Variants in WDFY4 observed in about 807,000 individuals in gnomAD.
WDFY4 encodes WD repeat- and FYVE domain-containing protein 4.
In WDFY4, 169 loss-of-function variants were observed where a neutral mutation model predicts 351.9. The observed-to-expected ratio is 0.48, with a 90% confidence interval of 0.42 to 0.55. The LOEUF is 0.55. WDFY4 is among the 20% of genes least tolerant of loss of function. The probability of loss-of-function intolerance (pLI) is 0.00; values close to 1 mark genes in which losing one functional copy is unlikely to be tolerated. For missense variants in WDFY4, 3,803 were observed against 3,935.6 expected (o/e 0.97, Z 0.90); for synonymous variants, 1,622 against 1,574.6 (o/e 1.03, Z -0.71).
At chr10:48,801,184 G>C (rs1328887096) in intron 24 of WDFY4, among the ~76,000 whole-genome samples, 1 of 152,186 alleles carries the variant, frequency 6.6e-6, no homozygotes, top group Admixed American at 6.5e-5. Context: ...ACAGGCTTAT[G>C]TGACACAGAA....
At chr10:48,699,965 ACC>A (rs2063433912) in intron 1 of WDFY4, among the ~76,000 whole-genome samples, 1 of 152,062 alleles carries the variant, frequency 6.6e-6, no homozygotes, top group South Asian at 2.1e-4. Flanking sequence ...AATTCCTGAG[ACC>A]CACCCCAGAC....
chr10:48,700,647 G>A lies in WDFY4; in HGVS notation c.-17-9069G>A, dbSNP rs903143108. 5.3e-5 allele frequency among the ~76,000 whole-genome samples: 8 copies of A among 152,358 alleles called. No homozygotes were observed. The East Asian group carries it at 1.4e-3, about 26-fold the overall frequency. ...GCACGCCCAGGGATGCTGCGCAAACGCACCATGCCTCCATCTCATCTCCAC... is the reference window on the plus strand; with the variant it reads ...GCACGCCCAGGGATGCTGCGCAAACACACCATGCCTCCATCTCATCTCCAC... On this transcript the variant is annotated intron_variant, in intron 1 of 61. Coordinates refer to ENST00000325239, the MANE Select transcript of WDFY4 (RefSeq NM_001394531.1).
At chr10:48,815,946 A>G (rs1458246293) in intron 31 of WDFY4, among the ~76,000 whole-genome samples, 5 of 152,174 alleles carry the variant, frequency 3.3e-5, no homozygotes, top group African/African-American at 9.7e-5. Flanking sequence ...CTAATATTAT[A>G]TAAAAAAGAC....
intron 44 of WDFY4, among the ~76,000 whole-genome samples, chr10:48,895,154 G>A (rs1465152435): frequency 6.6e-6 from 1 of 152,196 alleles, no homozygotes; most frequent in African/African-American, 2.4e-5. Context: ...GTCTCACTTG[G>A]GCAGGCTTCC....
intron 20 of WDFY4, 67 bp from the exon 21 acceptor site, chr10:48,788,463 T>C (rs1327765020): frequency 2.7e-6 from 4 of 1,495,500 alleles, no homozygotes; most frequent in Non-Finnish European, 3.6e-6. Flanking sequence ...AGATATTAAA[T>C]TGTATGAGGA....
chr10:48,843,574 A>G (rs966500474), intron 39 of WDFY4, among the ~76,000 whole-genome samples: 1 of 152,216 alleles, frequency 6.6e-6, no homozygotes, highest in Non-Finnish European at 1.5e-5. Flanking sequence ...AAAAAAATGT[A>G]TACTGTATGT....
chr10:48,895,618 T>C (rs1837037747), intron 44 of WDFY4, among the ~76,000 whole-genome samples: 1 of 152,236 alleles, frequency 6.6e-6, no homozygotes, highest in South Asian at 2.1e-4. Context: ...AAATCAACTT[T>C]ATTTCTGAAG....
intron 12 of WDFY4, among the ~76,000 whole-genome samples, chr10:48,746,640 G>T (rs2065023926): frequency 6.6e-6 from 1 of 151,240 alleles, no homozygotes; most frequent in Non-Finnish European, 1.5e-5. Flanking sequence ...AAACATTTTT[G>T]GTCTTATTTT....
At chr10:48,777,732 A>C (rs983440980) in intron 17 of WDFY4, among the ~76,000 whole-genome samples, 1 of 152,220 alleles carries the variant, frequency 6.6e-6, no homozygotes, top group African/African-American at 2.4e-5. Flanking sequence ...CCTGGGCTAC[A>C]GTGTAAGACC....
chr10:48,936,394 A>C (rs958688747), intron 47 of WDFY4, among the ~76,000 whole-genome samples: 4 of 152,184 alleles, frequency 2.6e-5, no homozygotes, highest in African/African-American at 7.2e-5. Context: ...GTATACTTCT[A>C]ATTAGAATAT....
chr10:48,862,547 T>C (rs1010819287), intron 39 of WDFY4, among the ~76,000 whole-genome samples: 1 of 152,208 alleles, frequency 6.6e-6, no homozygotes, highest in Non-Finnish European at 1.5e-5. Flanking sequence ...GATGGGACCA[T>C]ATAGTTGCAA....
intron 51 of WDFY4, among the ~76,000 whole-genome samples, chr10:48,954,339 G>A (rs1391815308): frequency 6.6e-6 from 1 of 152,192 alleles, no homozygotes; most frequent in East Asian, 1.9e-4. Flanking sequence ...TTGTTCCTTT[G>A]TTGGCAATAA....
intron 39 of WDFY4, among the ~76,000 whole-genome samples, chr10:48,836,649 G>T (rs1164635908): frequency 6.6e-6 from 1 of 152,154 alleles, no homozygotes; most frequent in Non-Finnish European, 1.5e-5. Context: ...GAACTTTGAG[G>T]CAGGGCTGAT....
intron 2 of WDFY4, among the ~76,000 whole-genome samples, chr10:48,719,674 T>A (rs2064014628): frequency 6.6e-6 from 1 of 152,194 alleles, no homozygotes; most frequent in Non-Finnish European, 1.5e-5. Flanking sequence ...GGAGAGGCAC[T>A]CCTGGTGCTC....
chr10:48,974,519 A>AAAAAAAAAAAAACAAC (rs1352344126), intron 57 of WDFY4, among the ~76,000 whole-genome samples: 2,715 of 49,934 alleles, frequency 0.054, 829 homozygotes, highest in South Asian at 0.085. Flanking sequence ...AAAAAAAAAA[A>AAAAAAAAAAAAACAAC]AAAAAAAAAA....
At chr10:48,945,071 G>A (rs1036567517) in intron 49 of WDFY4, among the ~76,000 whole-genome samples, 1 of 152,148 alleles carries the variant, frequency 6.6e-6, no homozygotes, top group Non-Finnish European at 1.5e-5. Context: ...AGGATTCACT[G>A]CTAGTGGAAA....
At chr10:48,877,709 G>A (rs932778144) in intron 43 of WDFY4, among the ~76,000 whole-genome samples, 21 of 152,224 alleles carry the variant, frequency 1.4e-4, no homozygotes, top group African/African-American at 4.6e-4. Flanking sequence ...GGCACCATTA[G>A]CCTTCAAAAG....
chr10:48,923,088 T>G (rs908434198), intron 47 of WDFY4, among the ~76,000 whole-genome samples: 1 of 152,198 alleles, frequency 6.6e-6, no homozygotes, highest in African/African-American at 2.4e-5. Flanking sequence ...TGGGACTCCA[T>G]ATTCTACTTC....
At chr10:48,792,225 T>G (rs1459382731) in intron 23 of WDFY4, among the ~76,000 whole-genome samples, 2 of 152,132 alleles carry the variant, frequency 1.3e-5, no homozygotes, top group African/African-American at 4.8e-5. Context: ...AGCACCCTCC[T>G]TCTGTTTTCC....
Sources: gnomAD v4.1 joint callset for allele counts (sites outside exome capture counted in the v4.1 genomes callset) on GRCh38, gnomAD v4.1.1 for gene constraint, MANE v1.5 for transcripts, NCBI Gene and HGNC (gene_info 2026-07-23, HGNC 2026-07-21) for gene names.